Variants in CRMP1 observed in about 807,000 individuals in gnomAD.
CRMP1 encodes dihydropyrimidinase-related protein 1.
CRMP1 carries 19 observed loss-of-function variants against 68.3 expected under a neutral mutation model. The observed-to-expected ratio is 0.28, with a 90% CI of 0.19 to 0.41. CRMP1 has a LOEUF of 0.41. CRMP1 is among the 10% of genes least tolerant of loss of function. The pLI is 1.00. For missense variants in CRMP1, 791 were observed against 967.4 expected (o/e 0.82, Z 2.42); for synonymous variants, 439 against 399.6 (o/e 1.10, Z -1.18).
chr4:5,879,338 G>T lies in CRMP1; in HGVS notation c.382-12582C>A, dbSNP rs1486964188. Among the ~76,000 whole-genome samples the T allele has an allele frequency of 6.6e-6, 1 of 152,194 alleles. No homozygotes were observed. The highest frequency in any genetic ancestry group is 1.9e-4 in the East Asian group (1 of 5,190). ...GTCACGTGCAGTGTCTTGAGTCCAG[G>T]ATCACAAGGTCACTCCTTGGAGTTC... On this transcript the variant is annotated intron_variant, in intron 1 of 13. Coordinates refer to ENST00000324989, the MANE Select transcript of CRMP1 (RefSeq NM_001014809.3). This position sits in a 1 kb window ranked among gnomAD's most constrained non-coding sequence, Gnocchi z 4.2.
Position 5,880,886 on chromosome 4 carries a change from T to C in CRMP1, c.381+11703A>G, listed in dbSNP as rs188515317. The stretch of plus-strand genomic sequence containing the variant: ...CTCCCATTCACTCACTCACACAGTG[T>C]GGCATCCCCACTGTGAATCCCCAGT... On this transcript the variant is annotated intron_variant, in intron 1 of 13. Transcript: ENST00000324989. 2.1e-3 allele frequency among the ~76,000 whole-genome samples: 323 copies of C among 152,312 alleles called. 1 individual carries two copies. Among genetic ancestry groups the C allele is most frequent in the African/African-American group, 7.1e-3 (294 of 41,570 alleles).
In CRMP1 at chr4:5,855,530, G is replaced by A. The variant is rs1712994284; in HGVS notation, c.820+613C>T. Among the ~76,000 whole-genome samples, 1 of 152,200 alleles carries A rather than the reference G, an allele frequency of 6.6e-6. No individual in the cohort carries two copies. The highest frequency in any genetic ancestry group is 2.4e-5 in the African/African-American group (1 of 41,444). On this transcript the variant is annotated intron_variant, in intron 4 of 13. Coordinates refer to ENST00000324989, the MANE Select transcript of CRMP1 (RefSeq NM_001014809.3). This position sits in a 1 kb window ranked among gnomAD's most constrained non-coding sequence, Gnocchi z 4.9. ...CACTGTGCTGGTGTGAACCCAAACAGAGGGGAGCCAAGGTGGGAAGCAGGG... is the reference window on the plus strand; with the variant it reads ...CACTGTGCTGGTGTGAACCCAAACAAAGGGGAGCCAAGGTGGGAAGCAGGG...
At chr4:5,852,260 T>G (rs535196017) in intron 4 of CRMP1, among the ~76,000 whole-genome samples, 3 of 152,342 alleles carry the variant, frequency 2.0e-5, no homozygotes, top group Admixed American at 2.0e-4. Flanking sequence ...GTGTGGCACT[T>G]GAGACGTTAC....
At position 5,875,357 on chromosome 4, in the gene CRMP1, A is replaced by G. The variant is rs983913403; in HGVS notation, c.382-8601T>C. 7.3e-5 allele frequency among the ~76,000 whole-genome samples: 11 copies of G among 149,694 alleles called. 1 individual carries two copies. Among genetic ancestry groups the G allele is most frequent in the Admixed American group, 2.0e-4 (3 of 14,928 alleles). ...TCTGTCATCTCCACCATGAAGGTGG[A>G]TGTCAGAAGGCATACAAAATCTATT... On this transcript the variant is annotated intron_variant, in intron 1 of 13. Coordinates refer to ENST00000324989, the MANE Select transcript of CRMP1 (RefSeq NM_001014809.3).
Position 5,866,879 on chromosome 4 carries a change from G to T in CRMP1, c.382-123C>A. 1 of 611,998 alleles carries T rather than the reference G, an allele frequency of 1.6e-6. No homozygotes were observed. The allele number at this position is 611,998 out of a possible 1,614,324, so 37.9% of individuals were successfully genotyped here. A position where few individuals can be genotyped will look rare whatever the true frequency, so the allele number is the denominator to read the frequency against. ...AAAGTAAAGGCATTTAACTTCCCCC[G>T]CCCCAGATCCATCACCAGCTTCAAT... On this transcript the variant is annotated intron_variant, in intron 1 of 13. Transcript: ENST00000324989. This position sits in a 1 kb window ranked among gnomAD's most constrained non-coding sequence, Gnocchi z 5.9.
Position 5,821,966 on chromosome 4 carries a change from T to A in CRMP1, c.1970-115A>T. ...CACTGGACCCACCTTCATTCAGGGC[T>A]CAGTCCAGGACCAGCCATGGGAAGC... is the stretch of plus-strand genomic sequence containing the variant. On this transcript the variant is annotated intron_variant, in intron 13 of 13. Coordinates refer to ENST00000324989, the MANE Select transcript of CRMP1 (RefSeq NM_001014809.3). The surrounding 1 kb of genome is among the most constrained non-coding windows in gnomAD (Gnocchi z 4.4). 1 of 813,022 alleles carries A rather than the reference T, an allele frequency of 1.2e-6. No individual in the cohort carries two copies. The highest frequency in any genetic ancestry group is 1.8e-6 in the Non-Finnish European group (1 of 555,948). 50.4% of individuals were successfully genotyped at this position (813,022 alleles called of 1,614,324 possible).
At chr4:5,882,936 G>A (rs528577874) in intron 1 of CRMP1, among the ~76,000 whole-genome samples, 8 of 152,262 alleles carry the variant, frequency 5.3e-5, no homozygotes, top group African/African-American at 1.4e-4. Flanking sequence ...TAGAACCCAC[G>A]TGTTATTTCC....
intron 12 of CRMP1, 67 bp downstream of exon 12, chr4:5,828,422 G>C: frequency 6.4e-7 from 1 of 1,566,840 alleles, no homozygotes; most frequent in Non-Finnish European, 8.7e-7. Context: ...GTCAGATCTC[G>C]ATTCCCCAAG....
chr4:5,844,028 C>A (rs1482233572), intron 6 of CRMP1, among the ~76,000 whole-genome samples: 1 of 152,162 alleles, frequency 6.6e-6, no homozygotes, highest in African/African-American at 2.4e-5. Flanking sequence ...TTTTAACTTC[C>A]TCAGTGTCTG....
rs948127174 is a variant in CRMP1, at chr4:5,834,682, C to G, written c.1623+1233G>C. 3.3e-5 allele frequency among the ~76,000 whole-genome samples: 5 copies of G among 152,234 alleles called. No homozygotes were observed. The highest frequency in any genetic ancestry group is 1.2e-4 in the African/African-American group (5 of 41,462). On this transcript the variant is annotated intron_variant, in intron 11 of 13. Transcript: ENST00000324989. This position sits in a 1 kb window ranked among gnomAD's most constrained non-coding sequence, Gnocchi z 4.3. ...CTCTCCTATGTGCACAGACCCCAAG[C>G]AGTGTGTACACACGTGAAATAATTC...
At position 5,825,215 on chromosome 4, in the gene CRMP1, G is replaced by A. The variant is rs1361298185; in HGVS notation, c.1969+279C>T. ...GAAGAGTGTGAAAGTGTCCCCAAAT[G>A]TGTGTAAGGATGAGCACTGGGACAA... On this transcript the variant is annotated intron_variant, in intron 13 of 13. Coordinates refer to ENST00000324989, the MANE Select transcript of CRMP1 (RefSeq NM_001014809.3). This position sits in a 1 kb window ranked among gnomAD's most constrained non-coding sequence, Gnocchi z 4.4. 2.0e-6 allele frequency: 2 copies of A among 985,138 alleles called. No individual in the cohort carries two copies. The highest frequency in any genetic ancestry group is 2.4e-6 in the Non-Finnish European group (2 of 829,850). 61.0% of individuals were successfully genotyped at this position (985,138 alleles called of 1,614,324 possible). A position where few individuals can be genotyped will look rare whatever the true frequency, so the allele number is the denominator to read the frequency against.
chr4:5,867,014 C>T (rs1443693444), intron 1 of CRMP1, among the ~76,000 whole-genome samples: 1 of 152,110 alleles, frequency 6.6e-6, no homozygotes, highest in Non-Finnish European at 1.5e-5. Context: ...ATCTTTCCAC[C>T]TATAAATACT....
intron 1 of CRMP1, among the ~76,000 whole-genome samples, chr4:5,880,587 T>C (rs992142213): frequency 6.6e-6 from 1 of 152,220 alleles, no homozygotes; most frequent in Non-Finnish European, 1.5e-5. Flanking sequence ...CCCACTTGTG[T>C]GTAAAAAGTA....
At position 5,821,822 on chromosome 4, in the gene CRMP1, G is replaced by A. The variant is rs1244536819; in HGVS notation, c.1999C>T (p.Arg667Cys). ...GAQIDDNNPR[R>C]TGHRIVAPPG... ...GGCGCCACGATGCGGTGGCCGGTGC[G>A]CCTGGGATTGTTGTCATCTATCTGG... Residue 667 changes from arginine to cysteine, a missense_variant, in exon 14 of 14, where the codon CGC becomes TGC. Arg to Cys is a radical substitution (Grantham distance 180, BLOSUM62 -3). Transcript: ENST00000324989. The surrounding 1 kb of genome is among the most constrained non-coding windows in gnomAD (Gnocchi z 4.4). 1.9e-6 allele frequency: 3 copies of A among 1,608,886 alleles called. No individual in the cohort carries two copies. Among genetic ancestry groups the A allele is most frequent in the South Asian group, 1.1e-5 (1 of 90,184 alleles).
In CRMP1 at chr4:5,877,548, C is replaced by T. The variant is rs115082412; in HGVS notation, c.382-10792G>A. On this transcript the variant is annotated intron_variant, in intron 1 of 13. Transcript: ENST00000324989. This position sits in a 1 kb window ranked among gnomAD's most constrained non-coding sequence, Gnocchi z 4.3. Reference sequence around the variant, plus strand: ...TTGCCTTTGATTTTGCCTCCGGGGACGACAGCCTGTCAGCCAGTGGCCCTT... The same window carrying T: ...TTGCCTTTGATTTTGCCTCCGGGGATGACAGCCTGTCAGCCAGTGGCCCTT... Among the ~76,000 whole-genome samples, 3,030 of 152,284 alleles carry T rather than the reference C, an allele frequency of 0.02. 59 individuals are homozygous for T. The highest frequency in any genetic ancestry group is 0.047 in the South Asian group (225 of 4,820).
At chr4:5,837,621 G>A (rs142819476) in intron 9 of CRMP1, among the ~76,000 whole-genome samples, 339 of 78,580 alleles carry the variant, frequency 4.3e-3, no homozygotes, top group African/African-American at 0.021. Context: ...AGAGCAAAAC[G>A]CAGTCTCAAA....
chr4:5,824,423 C>T (rs1719199079), intron 13 of CRMP1: 1 of 985,258 alleles, frequency 1.0e-6, no homozygotes, highest in Non-Finnish European at 1.2e-6. Context: ...ATCACTGAAT[C>T]AGACACTTCC....
Position 5,838,791 on chromosome 4 carries a change from A to G in CRMP1, c.1310+731T>C, listed in dbSNP as rs2152459046. Among the ~76,000 whole-genome samples the G allele has an allele frequency of 6.6e-6, 1 of 152,120 alleles. No homozygotes were observed. The highest frequency in any genetic ancestry group is 2.1e-4 in the South Asian group (1 of 4,804). On this transcript the variant is annotated intron_variant, in intron 9 of 13. Transcript: ENST00000324989. This position sits in a 1 kb window ranked among gnomAD's most constrained non-coding sequence, Gnocchi z 4.9. The stretch of plus-strand genomic sequence containing the variant: ...CTCCTCCAAGGTTCCTTCTGCCAAG[A>G]AGCCCCATCTTATCCTCCCCTATTG...
chr4:5,885,999 G>A (rs937830439), intron 1 of CRMP1, among the ~76,000 whole-genome samples: 7 of 152,182 alleles, frequency 4.6e-5, no homozygotes, highest in Admixed American at 2.6e-4. Context: ...GTCACAACAC[G>A]TGTATGTGTG....
Sources: gnomAD v4.1 joint callset for allele counts (sites outside exome capture counted in the v4.1 genomes callset) on GRCh38, gnomAD v4.1.1 for gene constraint, Gnocchi (gnomAD v3.1) non-coding constraint, MANE v1.5 for transcripts, NCBI Gene and HGNC (gene_info 2026-07-23, HGNC 2026-07-21) for gene names.